Variants in ARSH observed in about 807,000 individuals in gnomAD.
ARSH encodes arylsulfatase H.
A neutral mutation model predicts 28.7 loss-of-function variants in ARSH; 32 were observed. The observed-to-expected ratio is 1.11, with a 90% confidence interval of 0.84 to 1.50. The LOEUF is 1.50. Among genes scored for constraint, ARSH ranks in the 40% most tolerant of loss-of-function variants. ARSH has a pLI of 0.00. For missense variants in ARSH, 440 were observed against 452.4 expected, an observed-to-expected ratio of 0.97 and a Z score of 0.25; for synonymous variants, 176 against 177.3, an observed-to-expected ratio of 0.99 and a Z score of 0.06.
In ARSH at chrX:3,031,311, G is replaced by C. The variant is rs189629099; in HGVS notation, c.1322-1707G>C. Among the ~76,000 whole-genome samples, 3 of 111,837 alleles carry C rather than the reference G, an allele frequency of 2.7e-5. No homozygotes were observed. The East Asian group carries it at 8.4e-4, about 31-fold the overall frequency. ...TGACTGAAGTAATTATTCTAGCAACGAGGAGTAAATTCTTCAACATGACCT... is the reference window on the plus strand; with the variant it reads ...TGACTGAAGTAATTATTCTAGCAACCAGGAGTAAATTCTTCAACATGACCT... On this transcript the variant is annotated intron_variant, in intron 8 of 8. Coordinates refer to ENST00000381130, the MANE Select transcript of ARSH (RefSeq NM_001011719.2).
rs1053373314 is a variant in ARSH, at chrX:3,033,851, T to C, written c.*466T>C. ...TAGTGCTGTTATAGTCAGTTTGACT[T>C]CTTGATTTTCTCTCTTTCCTTCTTT... On this transcript the variant is annotated 3_prime_UTR_variant, in exon 9 of 9. Coordinates refer to ENST00000381130, the MANE Select transcript of ARSH (RefSeq NM_001011719.2). Among the ~76,000 whole-genome samples the C allele has an allele frequency of 9.0e-6, 1 of 111,597 alleles. No individual in the cohort carries two copies. Among genetic ancestry groups the C allele is most frequent in the African/African-American group, 3.3e-5 (1 of 30,711 alleles).
At chrX:3,012,582 T>TATATATATATA (rs1555914108) in intron 2 of ARSH, among the ~76,000 whole-genome samples, 101 of 18,927 alleles carry the variant, frequency 5.3e-3, no homozygotes, top group Non-Finnish European at 7.6e-3. Flanking sequence ...TATATATATA[T>TATATATATATA]ATATATATAT....
intron 6 of ARSH, among the ~76,000 whole-genome samples, chrX:3,026,862 A>C (rs1027950742): frequency 6.5e-5 from 7 of 108,136 alleles, no homozygotes; most frequent in Middle Eastern, 4.6e-3. Flanking sequence ...TTTCTTTTTT[A>C]TTTTTTGGAG....
intron 5 of ARSH, among the ~76,000 whole-genome samples, chrX:3,020,961 T>TAC (rs1323007616): frequency 9.0e-6 from 1 of 111,513 alleles, no homozygotes. Flanking sequence ...CATATATATA[T>TAC]ACACACACCC....
At chrX:3,021,392 A>AT (rs2089883496) in intron 5 of ARSH, among the ~76,000 whole-genome samples, 2 of 111,761 alleles carry the variant, frequency 1.8e-5, no homozygotes, top group Admixed American at 9.6e-5. Context: ...ATGAGTAGCT[A>AT]TTTTTCTGCG....
chrX:3,025,165 T>C (rs2147459888), intron 6 of ARSH, among the ~76,000 whole-genome samples: 1 of 108,459 alleles, frequency 9.2e-6, no homozygotes, highest in Admixed American at 1.0e-4. Context: ...AGTTACTATA[T>C]TCATTACACA....
intron 1 of ARSH, among the ~76,000 whole-genome samples, chrX:3,008,736 G>C (rs1569121919): frequency 3.2e-5 from 1 of 31,510 alleles, no homozygotes; most frequent in Non-Finnish European, 5.7e-5. Flanking sequence ...TTTTTCTTTT[G>C]TTTTGTTTTT....
rs780981097 is a variant in ARSH at position 3,024,119 on chromosome X, G to A, written c.1000G>A (p.Ala334Thr). The A allele has an allele frequency of 4.2e-6, 5 of 1,197,906 alleles. No homozygotes were observed. The South Asian group carries it at 5.5e-5, about 13-fold the overall frequency. The change falls in exon 6 of 9, where the codon GCT becomes ACT. Residue 334 changes from alanine (A) to threonine (T), a missense_variant. Physicochemically the swap from Ala to Thr is moderately conservative, Grantham distance 58 (BLOSUM62 0). Transcript: ENST00000381130. ...GGGCCACCTGGAGCCCCTGGACGGG[G>A]CTGTTCAGCTGGGTGGCTGGAACGG... ...NGGHLEPLDGAVQLGGWNGIY... is the reference protein window; with the variant it reads ...NGGHLEPLDGTVQLGGWNGIY...
At chrX:3,020,580 C>T (rs1390994380) in intron 5 of ARSH, among the ~76,000 whole-genome samples, 1 of 63,643 alleles carries the variant, frequency 1.6e-5, no homozygotes, top group Non-Finnish European at 2.6e-5. Flanking sequence ...CAGAGCCAGA[C>T]TCAGTCTCAA....
chrX:3,025,957 C>T (rs767733065), intron 6 of ARSH, among the ~76,000 whole-genome samples: 26 of 110,953 alleles, frequency 2.3e-4, no homozygotes, highest in African/African-American at 8.5e-4. Flanking sequence ...ATGCCTGTTT[C>T]TCAGGGTGCT....
At chrX:3,009,166 A>C (rs747267622) in intron 1 of ARSH, among the ~76,000 whole-genome samples, 1 of 110,633 alleles carries the variant, frequency 9.0e-6, no homozygotes, top group East Asian at 2.9e-4. Context: ...GCAAAATAGC[A>C]AGACATGTAT....
intron 5 of ARSH, among the ~76,000 whole-genome samples, chrX:3,022,429 A>G (rs2089886768): frequency 8.9e-6 from 1 of 111,948 alleles, no homozygotes; most frequent in Non-Finnish European, 1.9e-5. Context: ...AAAACAAATC[A>G]CTGAGTTTAC....
intron 6 of ARSH, among the ~76,000 whole-genome samples, chrX:3,026,624 T>C: frequency 8.9e-6 from 1 of 111,764 alleles, no homozygotes; most frequent in Non-Finnish European, 1.9e-5. Context: ...ACCGCCTCAG[T>C]CTCATGATTG....
Position 3,029,418 on chromosome X carries a change from C to T in ARSH, c.1321+50C>T, listed in dbSNP as rs376699988. On this transcript the variant is annotated intron_variant, in intron 8 of 8. Coordinates refer to ENST00000381130, the MANE Select transcript of ARSH (RefSeq NM_001011719.2). The stretch of plus-strand genomic sequence containing the variant: ...TGGAAAGACGATAAGGGCCCGGTTC[C>T]GGTCTCCTTCGTCTCCTGGCGGAAG... 1,263 of 1,172,604 alleles carry T rather than the reference C, an allele frequency of 1.1e-3. 1 individual carries two copies. The highest frequency in any genetic ancestry group is 1.3e-3 in the Non-Finnish European group (1,170 of 873,251).
intron 1 of ARSH, among the ~76,000 whole-genome samples, chrX:3,007,339 C>T (rs972815312): frequency 1.8e-5 from 2 of 111,206 alleles, no homozygotes; most frequent in Non-Finnish European, 3.8e-5. Context: ...ACCGTCACCC[C>T]CACAAAGAAG....
At chrX:3,017,955 A>G (rs1180709930) in intron 4 of ARSH, among the ~76,000 whole-genome samples, 1 of 112,589 alleles carries the variant, frequency 8.9e-6, no homozygotes, top group Non-Finnish European at 1.9e-5. Context: ...TTTATGTCAG[A>G]TGCTAAACTG....
intron 2 of ARSH, among the ~76,000 whole-genome samples, chrX:3,012,585 AT>A (rs1421574766): frequency 3.1e-4 from 4 of 12,993 alleles, no homozygotes; most frequent in Non-Finnish European, 5.3e-4. Flanking sequence ...ATATATATAT[AT>A]ATATATATAT....
chrX:3,011,748 G>A (rs140342523), intron 2 of ARSH, among the ~76,000 whole-genome samples: 1,794 of 111,799 alleles, frequency 0.016, 34 homozygotes, highest in African/African-American at 0.054. Context: ...GCAAGATAAT[G>A]GTCTAATGCT....
chrX:3,013,556 A>T (rs1413691400), intron 3 of ARSH, among the ~76,000 whole-genome samples: 3 of 85,305 alleles, frequency 3.5e-5, no homozygotes, highest in Non-Finnish European at 6.4e-5. Context: ...GTCGACTTAG[A>T]TCACTTAATA....
Sources: allele counts gnomAD v4.1 joint callset (sites outside exome capture counted in the v4.1 genomes callset), GRCh38; gene constraint gnomAD v4.1.1; transcripts MANE v1.5; gene names NCBI Gene and HGNC (gene_info 2026-07-23, HGNC 2026-07-21).